Variants in ASTN2 observed in about 807,000 individuals in gnomAD.
ASTN2 encodes the protein astrotactin 2.
ASTN2 carries 54 observed loss-of-function variants against 139.8 expected under a neutral mutation model. That is an observed-to-expected ratio of 0.39 (90% CI 0.31 to 0.48). The LOEUF is 0.48. ASTN2 is among the 20% of genes least tolerant of loss of function. The pLI is 0.95. For synonymous variants in ASTN2, 756 were observed against 719.5 expected, an observed-to-expected ratio of 1.05 and a Z score of -0.81; for missense variants, 1,565 against 1,725.1, an observed-to-expected ratio of 0.91 and a Z score of 1.64.
chr9:117,371,212 T>A (rs781050457), intron 1 of ASTN2, among the ~76,000 whole-genome samples: 4 of 152,100 alleles, frequency 2.6e-5, no homozygotes, highest in Non-Finnish European at 5.9e-5. Context: ...TGTCCCTACA[T>A]TATCAAATAC....
intron 13 of ASTN2, among the ~76,000 whole-genome samples, chr9:116,794,294 C>T (rs1830632695): frequency 6.6e-6 from 1 of 151,392 alleles, no homozygotes; most frequent in Non-Finnish European, 1.5e-5. Flanking sequence ...GATGGGATTT[C>T]TCCATGTTGG....
chr9:116,502,204 G>A (rs1302681152), intron 19 of ASTN2, among the ~76,000 whole-genome samples: 2 of 151,290 alleles, frequency 1.3e-5, no homozygotes, highest in Admixed American at 6.6e-5. Flanking sequence ...AGAGAGACAG[G>A]GACAGAGAGG....
intron 13 of ASTN2, among the ~76,000 whole-genome samples, chr9:116,787,303 T>C (rs1830402146): frequency 6.6e-6 from 1 of 152,230 alleles, no homozygotes; most frequent in African/African-American, 2.4e-5. Context: ...GCATTTACTT[T>C]AGAAACTTGC....
At chr9:116,962,774 T>C (rs1002726695) in intron 10 of ASTN2, among the ~76,000 whole-genome samples, 4 of 152,166 alleles carry the variant, frequency 2.6e-5, no homozygotes, top group Non-Finnish European at 5.9e-5. Flanking sequence ...CATAATATAA[T>C]ACAATAGGCA....
chr9:117,182,976 A>T (rs1470358037), intron 3 of ASTN2, among the ~76,000 whole-genome samples: 3 of 152,340 alleles, frequency 2.0e-5, no homozygotes, highest in South Asian at 4.1e-4. Context: ...TTTTAAAAAG[A>T]TCACTTTCTC....
chr9:116,971,731 C>T (rs557280528), intron 10 of ASTN2, among the ~76,000 whole-genome samples: 2 of 152,334 alleles, frequency 1.3e-5, no homozygotes, highest in South Asian at 4.1e-4. Flanking sequence ...ACAAAAGCCA[C>T]TATGTTACAA....
intron 19 of ASTN2, among the ~76,000 whole-genome samples, chr9:116,563,464 C>G (rs1853029408): frequency 6.6e-6 from 1 of 152,022 alleles, no homozygotes; most frequent in African/African-American, 2.4e-5. Context: ...ATAGAGAGAA[C>G]CACATGAACA....
rs1483455229 is a variant in ASTN2, at chr9:117,157,414, A to G, written c.1016-15936T>C. On this transcript the variant is annotated intron_variant, in intron 3 of 22. Transcript: ENST00000313400. ...AGAGCCTCATGCAAGGAATTATACCAAGATGAAGTTAAATTAAAGCTGGAC... is the reference window on the plus strand; with the variant it reads ...AGAGCCTCATGCAAGGAATTATACCGAGATGAAGTTAAATTAAAGCTGGAC... 2.0e-5 allele frequency among the ~76,000 whole-genome samples: 3 copies of G among 152,054 alleles called. No individual in the cohort carries two copies. In the East Asian group the frequency reaches 5.8e-4, roughly 29 times the overall value.
intron 3 of ASTN2, among the ~76,000 whole-genome samples, chr9:117,201,051 A>T (rs1588071844): frequency 8.5e-6 from 1 of 117,634 alleles, no homozygotes. Flanking sequence ...TCAATTTCAG[A>T]GCTTGTTATT....
At chr9:117,255,662 G>T (rs1833666237) in intron 2 of ASTN2, among the ~76,000 whole-genome samples, 1 of 152,196 alleles carries the variant, frequency 6.6e-6, no homozygotes. Flanking sequence ...GAAAAGTACA[G>T]AAAGAAGATT....
intron 19 of ASTN2, among the ~76,000 whole-genome samples, chr9:116,526,325 CA>C (rs1443426896): frequency 2.0e-5 from 3 of 152,092 alleles, no homozygotes; most frequent in African/African-American, 7.2e-5. Context: ...GTAAATGTGA[CA>C]AAAGACTGGG....
At position 116,811,315 on chromosome 9, in the gene ASTN2, A is replaced by G. The variant is rs190253195; in HGVS notation, c.2208-5495T>C. Among the ~76,000 whole-genome samples, 12 of 152,310 alleles carry G rather than the reference A, an allele frequency of 7.9e-5. No homozygotes were observed. In the East Asian group the frequency reaches 2.3e-3, roughly 29 times the overall value. ...GACTGTGGCTTTGCCCACACCCCAT[A>G]AGTCTGACGTGCAGCCCTCATGCTC... On this transcript the variant is annotated intron_variant, in intron 12 of 22. Transcript: ENST00000313400.
chr9:116,840,886 T>C (rs1832227596), intron 11 of ASTN2, among the ~76,000 whole-genome samples: 1 of 150,908 alleles, frequency 6.6e-6, no homozygotes, highest in Non-Finnish European at 1.5e-5. Flanking sequence ...CGCTCCTCAC[T>C]TTCCAGACTG....
At chr9:116,960,023 TGATTTATGCCTGTCTCGCTGG>T (rs1353746083) in intron 10 of ASTN2, among the ~76,000 whole-genome samples, 1 of 152,050 alleles carries the variant, frequency 6.6e-6, no homozygotes, top group Non-Finnish European at 1.5e-5. Flanking sequence ...AGAGCCGCTG[TGATTTATGCCTGTCTCGCTGG>T]GATTGTAAAC....
intron 13 of ASTN2, among the ~76,000 whole-genome samples, chr9:116,753,022 C>G (rs1211948825): frequency 6.6e-6 from 1 of 152,186 alleles, no homozygotes; most frequent in Admixed American, 6.5e-5. Context: ...TTAATATTTA[C>G]CCAAATGAGT....
rs769309970 is a variant in ASTN2, at chr9:116,620,396, C to T, written c.3120G>A (p.Gly1040=). The T allele has an allele frequency of 1.9e-6, 3 of 1,614,158 alleles. No homozygotes were observed. The highest frequency in any genetic ancestry group is 2.2e-5 in the South Asian group (2 of 91,084). ...LMSSYWCSGK[G]DVIDDWCRCD... ...ACCTGCACCAGTCATCGATCACATC[C>T]CCTTTCCCTGAGCACCAGTAGGAAC... is the stretch of plus-strand genomic sequence containing the variant. The change falls in exon 18 of 23, where the codon GGG becomes GGA. Residue 1040 remains glycine, a synonymous_variant. Transcript: ENST00000313400.
intron 1 of ASTN2, among the ~76,000 whole-genome samples, chr9:117,352,739 C>T (rs1009915164): frequency 5.3e-5 from 8 of 152,144 alleles, no homozygotes; most frequent in East Asian, 1.9e-4. Flanking sequence ...TTTCATCGCT[C>T]GGCCAAAAGG....
At chr9:116,695,158 A>C (rs1399886513) in intron 16 of ASTN2, among the ~76,000 whole-genome samples, 1 of 152,160 alleles carries the variant, frequency 6.6e-6, no homozygotes, top group Non-Finnish European at 1.5e-5. Flanking sequence ...ATAAAGTAAA[A>C]ATATCTGTAC....
chr9:117,207,256 C>T (rs1831958650), intron 3 of ASTN2, among the ~76,000 whole-genome samples: 2 of 152,094 alleles, frequency 1.3e-5, no homozygotes, highest in African/African-American at 2.4e-5. Flanking sequence ...TGTCCCAGGT[C>T]CAAAAGAGTC....
Sources: gnomAD v4.1 joint callset for allele counts (sites outside exome capture counted in the v4.1 genomes callset) on GRCh38, gnomAD v4.1.1 for gene constraint, MANE v1.5 for transcripts, NCBI Gene and HGNC (gene_info 2026-07-23, HGNC 2026-07-21) for gene names.